Variants in ZMAT4 observed in about 807,000 individuals in gnomAD.
ZMAT4 encodes zinc finger matrin-type protein 4.
A neutral mutation model predicts 28.7 loss-of-function variants in ZMAT4; 17 were observed. The ratio of observed to expected loss-of-function variants is 0.59; its 90% CI spans 0.41 to 0.89. The LOEUF (loss-of-function observed/expected upper bound fraction) is 0.89. Ranked by LOEUF, ZMAT4 falls within the 40% of genes least tolerant of loss-of-function variation. ZMAT4 has a pLI of 0.00. For missense variants in ZMAT4, 240 were observed against 283.8 expected, an observed-to-expected ratio of 0.85 and a Z score of 1.11; for synonymous variants, 117 against 109.2, an observed-to-expected ratio of 1.07 and a Z score of -0.44.
intron 5 of ZMAT4, among the ~76,000 whole-genome samples, chr8:40,595,923 A>G (rs1225881536): frequency 6.6e-6 from 1 of 152,066 alleles, no homozygotes; most frequent in Non-Finnish European, 1.5e-5. Flanking sequence ...ATCTCTACTA[A>G]AAATACAAAA....
intron 5 of ZMAT4, among the ~76,000 whole-genome samples, chr8:40,669,694 T>C (rs1339385034): frequency 6.6e-6 from 1 of 152,234 alleles, no homozygotes; most frequent in Non-Finnish European, 1.5e-5. Context: ...TAATCAACTA[T>C]GTTATTGGTA....
intron 5 of ZMAT4, among the ~76,000 whole-genome samples, chr8:40,664,662 T>C (rs1475777100): frequency 6.6e-6 from 1 of 152,210 alleles, no homozygotes; most frequent in Non-Finnish European, 1.5e-5. Context: ...GCAGAATCAC[T>C]GAGCCAAGCC....
At chr8:40,732,934 C>T (rs1479686207) in intron 3 of ZMAT4, among the ~76,000 whole-genome samples, 2 of 136,210 alleles carry the variant, frequency 1.5e-5, no homozygotes, top group Non-Finnish European at 3.1e-5. Flanking sequence ...CATCTTCGAA[C>T]TCCTGGGCTC....
At chr8:40,750,116 G>GA (rs1812394234) in intron 3 of ZMAT4, among the ~76,000 whole-genome samples, 2 of 152,228 alleles carry the variant, frequency 1.3e-5, no homozygotes, top group Middle Eastern at 6.8e-3. Flanking sequence ...GTCTCAGCAT[G>GA]ACCTGCACCA....
chr8:40,856,090 T>C (rs1229441140), intron 1 of ZMAT4, among the ~76,000 whole-genome samples: 2 of 152,156 alleles, frequency 1.3e-5, no homozygotes, highest in East Asian at 3.8e-4. Context: ...AAATCTTGGT[T>C]CACACAGGCC....
intron 4 of ZMAT4, among the ~76,000 whole-genome samples, chr8:40,681,398 A>T (rs1026053702): frequency 6.6e-6 from 1 of 152,196 alleles, no homozygotes; most frequent in African/African-American, 2.4e-5. Context: ...CCTACCCTAA[A>T]TCAAATTAAT....
At chr8:40,547,933 A>C (rs1293560617) in intron 6 of ZMAT4, among the ~76,000 whole-genome samples, 1 of 152,200 alleles carries the variant, frequency 6.6e-6, no homozygotes, top group Admixed American at 6.5e-5. Context: ...GGAAGCAGGA[A>C]TTTGCAATTT....
chr8:40,731,478 G>T (rs1057206154), intron 3 of ZMAT4, among the ~76,000 whole-genome samples: 1 of 152,040 alleles, frequency 6.6e-6, no homozygotes, highest in Admixed American at 6.6e-5. Context: ...CCTAAGGGAA[G>T]AAGAAGAATC....
intron 3 of ZMAT4, among the ~76,000 whole-genome samples, chr8:40,705,398 A>G (rs911022219): frequency 1.3e-5 from 2 of 152,174 alleles, no homozygotes; most frequent in Admixed American, 1.3e-4. Context: ...CACTTATTTC[A>G]CAGTCTAGAA....
intron 6 of ZMAT4, among the ~76,000 whole-genome samples, chr8:40,564,445 C>T (rs1282619660): frequency 6.6e-6 from 1 of 152,142 alleles, no homozygotes; most frequent in Non-Finnish European, 1.5e-5. Context: ...CGGGCCACCC[C>T]CCTCTAAACT....
chr8:40,782,309 C>T (rs1399232980), intron 2 of ZMAT4, among the ~76,000 whole-genome samples: 2 of 152,030 alleles, frequency 1.3e-5, no homozygotes, highest in Non-Finnish European at 2.9e-5. Flanking sequence ...TCACTTGAAC[C>T]CAGGAGGCAG....
chr8:40,686,794 G>A (rs147457972), intron 4 of ZMAT4, among the ~76,000 whole-genome samples: 1 of 152,180 alleles, frequency 6.6e-6, no homozygotes, highest in Non-Finnish European at 1.5e-5. Context: ...AAAATAAAAT[G>A]GGGCCAGTGG....
At chr8:40,553,258 C>T (rs1803421903) in intron 6 of ZMAT4, among the ~76,000 whole-genome samples, 1 of 152,174 alleles carries the variant, frequency 6.6e-6, no homozygotes, top group South Asian at 2.1e-4. Flanking sequence ...ACTGTAGCCC[C>T]AGACTACATT....
At chr8:40,820,295 T>C (rs1297393810) in intron 2 of ZMAT4, among the ~76,000 whole-genome samples, 1 of 151,472 alleles carries the variant, frequency 6.6e-6, no homozygotes, top group African/African-American at 2.4e-5. Context: ...TATGTGTGTA[T>C]GTGTGTGCGG....
intron 5 of ZMAT4, among the ~76,000 whole-genome samples, chr8:40,601,448 G>GGAAA (rs1385345937): frequency 1.4e-5 from 1 of 70,748 alleles, no homozygotes. Context: ...AAGGAAGGAA[G>GGAAA]GAAGGAAGGG....
At chr8:40,563,526 T>A (rs1354565740) in intron 6 of ZMAT4, among the ~76,000 whole-genome samples, 1 of 152,192 alleles carries the variant, frequency 6.6e-6, no homozygotes, top group Non-Finnish European at 1.5e-5. Flanking sequence ...TAAATATATC[T>A]GCTGTCTAAA....
At position 40,895,304 on chromosome 8, in the gene ZMAT4, A is replaced by G. The variant is rs150386302; in HGVS notation, c.-5+2379T>C. Among the ~76,000 whole-genome samples the G allele has an allele frequency of 6.2e-3, 952 of 152,354 alleles. 4 individuals are homozygous for G. Among genetic ancestry groups the G allele is most frequent in the Middle Eastern group, 0.02 (6 of 294 alleles). Reference sequence around the variant, plus strand: ...TTCCTAGGCATTCATCGGTCCTTGCATACACAAACAGGCACGCAGCTTCAC... The same window carrying G: ...TTCCTAGGCATTCATCGGTCCTTGCGTACACAAACAGGCACGCAGCTTCAC... On this transcript the variant is annotated intron_variant, in intron 1 of 6. Transcript: ENST00000297737.
intron 1 of ZMAT4, among the ~76,000 whole-genome samples, chr8:40,828,991 T>A (rs1026253981): frequency 6.6e-6 from 1 of 151,994 alleles, no homozygotes; most frequent in Admixed American, 6.6e-5. Context: ...TTTTTAGCCT[T>A]GTCCATGGTC....
intron 2 of ZMAT4, among the ~76,000 whole-genome samples, chr8:40,769,027 C>T (rs1813278724): frequency 6.6e-6 from 1 of 152,182 alleles, no homozygotes; most frequent in African/African-American, 2.4e-5. Context: ...TTTCCTCATT[C>T]ATCACTTTCT....
Sources: gnomAD v4.1 joint callset for allele counts (sites outside exome capture counted in the v4.1 genomes callset) on GRCh38, gnomAD v4.1.1 for gene constraint, MANE v1.5 for transcripts, NCBI Gene and HGNC (gene_info 2026-07-23, HGNC 2026-07-21) for gene names.